Variants in TFCP2L1 observed in about 807,000 individuals in gnomAD.
TFCP2L1 encodes transcription factor CP2-like protein 1.
A neutral mutation model predicts 72.2 loss-of-function variants in TFCP2L1; 12 were observed. The ratio of observed to expected loss-of-function variants is 0.17; its 90% CI spans 0.11 to 0.27. The LOEUF is 0.27. Among genes scored for constraint, TFCP2L1 ranks in the 10% least tolerant of loss-of-function variants. The probability of loss-of-function intolerance (pLI) is 1.00; values close to 1 mark genes in which losing one functional copy is unlikely to be tolerated. For synonymous variants in TFCP2L1, 260 were observed against 251.0 expected (o/e 1.04, Z -0.34); for missense variants, 488 against 624.6 (o/e 0.78, Z 2.33).
intron 2 of TFCP2L1, among the ~76,000 whole-genome samples, chr2:121,280,768 G>GGAA (rs1687239391): frequency 2.5e-5 from 2 of 78,540 alleles, no homozygotes; most frequent in Non-Finnish European, 5.0e-5. Context: ...CCTCAAAAAA[G>GGAA]GAAAAAAAAA....
intron 2 of TFCP2L1, among the ~76,000 whole-genome samples, chr2:121,250,848 A>G (rs1686596185): frequency 6.6e-6 from 1 of 151,916 alleles, no homozygotes; most frequent in Non-Finnish European, 1.5e-5. Flanking sequence ...CTCGTGATTC[A>G]TCCACCTTGG....
chr2:121,228,216 G>A (rs1686070014), intron 13 of TFCP2L1, among the ~76,000 whole-genome samples: 1 of 152,230 alleles, frequency 6.6e-6, no homozygotes. Context: ...CTACTCTTGA[G>A]CACACAGGAC....
At chr2:121,261,311 TG>T (rs1424515361) in intron 2 of TFCP2L1, among the ~76,000 whole-genome samples, 8 of 152,164 alleles carry the variant, frequency 5.3e-5, no homozygotes, top group Non-Finnish European at 8.8e-5. Flanking sequence ...AGATAGTTAC[TG>T]GGGGCTCCTT....
intron 2 of TFCP2L1, among the ~76,000 whole-genome samples, chr2:121,254,099 G>A (rs549033321): frequency 3.9e-5 from 6 of 152,316 alleles, no homozygotes; most frequent in African/African-American, 1.2e-4. Context: ...AGGACAGCGG[G>A]CTATGAGAAG....
intron 13 of TFCP2L1, among the ~76,000 whole-genome samples, chr2:121,227,025 A>G (rs966740108): frequency 2.6e-5 from 4 of 152,236 alleles, no homozygotes; most frequent in South Asian, 2.1e-4. Flanking sequence ...TGATGGAATC[A>G]TGCTCCTCGG....
rs549689452 is a variant in TFCP2L1, at chr2:121,249,285, AC to A, written c.292-199del. Among the ~76,000 whole-genome samples, 13 of 152,276 alleles carry A rather than the reference AC, an allele frequency of 8.5e-5. No individual in the cohort carries two copies. In the South Asian group the frequency reaches 2.7e-3, roughly 32 times the overall value. On this transcript the variant is annotated intron_variant, in intron 3 of 14. Transcript: ENST00000263707. ...AACAACAGCAACAACAGTGATGACT[AC>A]CATTTGTCCCAGTATTACTAAGTGC...
intron 2 of TFCP2L1, among the ~76,000 whole-genome samples, chr2:121,275,483 A>G (rs1020461629): frequency 5.3e-5 from 8 of 151,616 alleles, no homozygotes; most frequent in African/African-American, 1.9e-4. Context: ...TTATTACAAG[A>G]ACAGTATTTA....
At chr2:121,270,242 T>G (rs1447386627) in intron 2 of TFCP2L1, among the ~76,000 whole-genome samples, 1 of 152,234 alleles carries the variant, frequency 6.6e-6, no homozygotes, top group Non-Finnish European at 1.5e-5. Flanking sequence ...AAAGAAGTGA[T>G]GTATGCTAGA....
Position 121,224,120 on chromosome 2 carries a change from A to G in TFCP2L1, c.*221T>C. On this transcript the variant is annotated 3_prime_UTR_variant, in exon 15 of 15. Transcript: ENST00000263707. ...GAACAAGGAACCATTCAAAATCTGG[A>G]GGCCAAGAGGAAGGGAGAAAGGAGC... 1.7e-6 allele frequency: 1 copy of G among 591,266 alleles called. No individual in the cohort carries two copies. The highest frequency in any genetic ancestry group is 3.0e-6 in the Non-Finnish European group (1 of 332,306). 36.6% of individuals were successfully genotyped at this position (591,266 alleles called of 1,614,324 possible).
intron 2 of TFCP2L1, among the ~76,000 whole-genome samples, chr2:121,280,769 GAAAA>G (rs557121688): frequency 8.4e-5 from 2 of 23,946 alleles, no homozygotes; most frequent in African/African-American, 1.2e-4. Context: ...CTCAAAAAAG[GAAAA>G]AAAAAAAAAA....
At chr2:121,225,759 A>G in intron 13 of TFCP2L1, 146 bp from the exon 14 acceptor site, 1 of 772,624 alleles carries the variant, frequency 1.3e-6, no homozygotes, top group Non-Finnish European at 2.2e-6. Flanking sequence ...AACGCGGTAA[A>G]CACCACTGCC....
At position 121,269,907 on chromosome 2, in the gene TFCP2L1, T is replaced by TCAAAAAAAAAAAAAA. The variant is rs750107740; in HGVS notation, c.214+11212_214+11213insTTTTTTTTTTTTTTG. On this transcript the variant is annotated intron_variant, in intron 2 of 14. Coordinates refer to ENST00000263707, the MANE Select transcript of TFCP2L1 (RefSeq NM_014553.3). ...CTGGGTGACAGAGCAAGACTCCATC[T>TCAAAAAAAAAAAAAA]AAAAAAAAAAAATATATATATATAT... Among the ~76,000 whole-genome samples, 80 of 77,394 alleles carry TCAAAAAAAAAAAAAA rather than the reference T, an allele frequency of 1.0e-3. 4 individuals are homozygous for TCAAAAAAAAAAAAAA. In the East Asian group the frequency reaches 0.012, roughly 11 times the overall value. The allele number at this position is 77,394 out of a possible 152,430, so 50.8% of individuals were successfully genotyped here.
intron 2 of TFCP2L1, among the ~76,000 whole-genome samples, chr2:121,267,492 TA>T (rs1230982768): frequency 2.1e-5 from 3 of 146,024 alleles, no homozygotes; most frequent in Non-Finnish European, 4.4e-5. Flanking sequence ...CTATGAACAT[TA>T]AAAATCTTTT....
intron 1 of TFCP2L1, among the ~76,000 whole-genome samples, chr2:121,281,709 G>T (rs995720317): frequency 6.6e-6 from 1 of 151,892 alleles, no homozygotes; most frequent in Non-Finnish European, 1.5e-5. Context: ...TCCATTTACC[G>T]GCCACTTCTC....
chr2:121,227,202 A>C (rs1686047072), intron 13 of TFCP2L1, among the ~76,000 whole-genome samples: 1 of 152,218 alleles, frequency 6.6e-6, no homozygotes, highest in African/African-American at 2.4e-5. Flanking sequence ...GTTTAATAGA[A>C]AATTCATACT....
chr2:121,254,446 A>C (rs1207718674), intron 2 of TFCP2L1, among the ~76,000 whole-genome samples: 2 of 152,172 alleles, frequency 1.3e-5, no homozygotes, highest in Non-Finnish European at 2.9e-5. Flanking sequence ...ATGGGCTTTG[A>C]AGAGTGGGCA....
intron 1 of TFCP2L1, among the ~76,000 whole-genome samples, chr2:121,282,198 G>C (rs986976751): frequency 1.3e-5 from 2 of 151,662 alleles, no homozygotes; most frequent in Non-Finnish European, 2.9e-5. Flanking sequence ...CTCCCAAAGT[G>C]CTGGGATTAC....
chr2:121,263,493 A>G (rs759419289), intron 2 of TFCP2L1, among the ~76,000 whole-genome samples: 3,061 of 133,736 alleles, frequency 0.023, 47 homozygotes, highest in East Asian at 0.1. Flanking sequence ...AAAAAAAAAA[A>G]GGGCATACAA....
At chr2:121,270,877 CT>C (rs35234824) in intron 2 of TFCP2L1, among the ~76,000 whole-genome samples, 610 of 136,770 alleles carry the variant, frequency 4.5e-3, no homozygotes, top group Middle Eastern at 7.8e-3. Flanking sequence ...TCTAAACACA[CT>C]TTTTTTTTTT....
Sources: gnomAD v4.1 joint callset for allele counts (sites outside exome capture counted in the v4.1 genomes callset) on GRCh38, gnomAD v4.1.1 for gene constraint, MANE v1.5 for transcripts, NCBI Gene and HGNC (gene_info 2026-07-23, HGNC 2026-07-21) for gene names.